MYO18B: variants seen among roughly 807,000 people sequenced by gnomAD.
The protein encoded by MYO18B is unconventional myosin-XVIIIb.
MYO18B carries 204 observed loss-of-function variants against 273.0 expected under a neutral mutation model. The ratio of observed to expected loss-of-function variants is 0.75; its 90% CI spans 0.67 to 0.84. The LOEUF (loss-of-function observed/expected upper bound fraction) is 0.84. MYO18B is among the 40% of genes least tolerant of loss of function. The pLI is 0.00. For synonymous variants in MYO18B, 1,330 were observed against 1,305.7 expected, an observed-to-expected ratio of 1.02 and a Z score of -0.40; for missense variants, 3,212 against 3,287.6, an observed-to-expected ratio of 0.98 and a Z score of 0.56.
In MYO18B at chr22:25,801,318, G is replaced by A. The variant is rs936051229; in HGVS notation, c.2521+3221G>A. Reference sequence around the variant, plus strand: ...AGCAATGACAATCACCACTAATATTGGCCTGGTGTTTGACAGTTTCAAAAG... The same window carrying A: ...AGCAATGACAATCACCACTAATATTAGCCTGGTGTTTGACAGTTTCAAAAG... On this transcript the variant is annotated intron_variant, in intron 12 of 43. Transcript: ENST00000335473. Among the ~76,000 whole-genome samples the A allele has an allele frequency of 7.2e-5, 11 of 152,188 alleles. No individual in the cohort carries two copies. In the East Asian group the frequency reaches 9.7e-4, roughly 13 times the overall value.
chr22:26,039,127 C>A, the MYO18B span, among the ~76,000 whole-genome samples: 1 of 152,132 alleles, frequency 6.6e-6, no homozygotes, highest in African/African-American at 2.4e-5. Flanking sequence ...CTGCTCTGTT[C>A]TTGGTGCTCT....
rs1311555021 is a variant in MYO18B at position 25,742,307 on chromosome 22, G to A, written c.-110+14G>A. 2.0e-5 allele frequency: 3 copies of A among 152,238 alleles called. No homozygotes were observed. Among genetic ancestry groups the A allele is most frequent in the Non-Finnish European group, 4.4e-5 (3 of 68,112 alleles). The allele number at this position is 152,238 out of a possible 1,614,324, so 9.4% of individuals were successfully genotyped here. A position where few individuals can be genotyped will look rare whatever the true frequency, so the allele number is the denominator to read the frequency against. The stretch of plus-strand genomic sequence containing the variant: ...TCTTTGCAGAAGGTACTATTGGGCT[G>A]GGTTTTAGACGGGCACCTTGCGAGC... On this transcript the variant is annotated intron_variant, in intron 1 of 43. Transcript: ENST00000335473.
Position 25,791,415 on chromosome 22 carries a change from C to G in MYO18B, c.2376+5924C>G, listed in dbSNP as rs1384508303. ...CCCAGTGTGGCGCTGGCCGGGTCCT[C>G]AGAGGCTGTGTGTACCCGGTGACTG... On this transcript the variant is annotated intron_variant, in intron 11 of 43. Transcript: ENST00000335473. Among the ~76,000 whole-genome samples the G allele has an allele frequency of 1.3e-5, 2 of 152,132 alleles. 1 individual carries two copies. The highest frequency in any genetic ancestry group is 2.9e-5 in the Non-Finnish European group (2 of 68,026).
At chr22:25,910,863 G>A (rs535288896) in intron 32 of MYO18B, 83 bp from the exon 33 acceptor site, 183 of 1,094,810 alleles carry the variant, frequency 1.7e-4, no homozygotes, top group Non-Finnish European at 2.2e-4. Flanking sequence ...ACATTCCTCC[G>A]CCTTCTGAGG....
chr22:25,934,338 G>A (rs1383137801), intron 34 of MYO18B, among the ~76,000 whole-genome samples: 1 of 152,050 alleles, frequency 6.6e-6, no homozygotes, highest in Non-Finnish European at 1.5e-5. Context: ...AAACATCTTA[G>A]AATCCAAATT....
intron 39 of MYO18B, among the ~76,000 whole-genome samples, chr22:25,981,220 G>A (rs1939602493): frequency 6.6e-6 from 1 of 152,228 alleles, no homozygotes; most frequent in South Asian, 2.1e-4. Context: ...ACTTCAACCT[G>A]TCTTCTCTGG....
At chr22:25,747,782 C>T (rs1169437181) in intron 1 of MYO18B, among the ~76,000 whole-genome samples, 1 of 152,144 alleles carries the variant, frequency 6.6e-6, no homozygotes, top group African/African-American at 2.4e-5. Flanking sequence ...TAGCTGCTGC[C>T]AAGGACATGG....
chr22:25,969,386 C>T lies in MYO18B; in HGVS notation c.6156+14022C>T, dbSNP rs1024207964. Among the ~76,000 whole-genome samples, 5 of 152,350 alleles carry T rather than the reference C, an allele frequency of 3.3e-5. No individual in the cohort carries two copies. The East Asian group carries it at 9.6e-4, about 29-fold the overall frequency. On this transcript the variant is annotated intron_variant, in intron 39 of 43. Transcript: ENST00000335473. ...CCATTAGGGCTCATCTACTTTTCCA[C>T]CCTGGCCCCTGAGGCAGCACCATAA...
intron 1 of MYO18B, chr22:25,756,366 C>G (rs74843753): frequency 1.3e-5 from 2 of 152,204 alleles, no homozygotes; most frequent in Non-Finnish European, 2.9e-5. Flanking sequence ...TCATTAGAGC[C>G]GAAATGCTCC....
At chr22:25,754,593 C>T (rs1216103010) in intron 1 of MYO18B, among the ~76,000 whole-genome samples, 1 of 152,090 alleles carries the variant, frequency 6.6e-6, no homozygotes, top group Admixed American at 6.5e-5. Context: ...GGGAGACTCG[C>T]GATTTTATAC....
chr22:25,955,445 T>C (rs2092839006), intron 39 of MYO18B, 81 bp downstream of exon 39: 9 of 1,434,000 alleles, frequency 6.3e-6, no homozygotes, highest in African/African-American at 1.4e-5. Flanking sequence ...GACTTCTGAA[T>C]GGGAGACTCA....
intron 39 of MYO18B, among the ~76,000 whole-genome samples, chr22:25,971,390 G>A (rs1029387560): frequency 6.6e-6 from 1 of 152,180 alleles, no homozygotes; most frequent in African/African-American, 2.4e-5. Context: ...AGGTAGTTGG[G>A]AGATTAGAAT....
intron 42 of MYO18B, among the ~76,000 whole-genome samples, chr22:26,022,964 A>G (rs1046409297): frequency 5.9e-5 from 9 of 152,158 alleles, no homozygotes; most frequent in African/African-American, 2.2e-4. Flanking sequence ...TGACCTCCAG[A>G]TCCCCATTTC....
chr22:26,060,361 A>G, the MYO18B span, among the ~76,000 whole-genome samples: 2 of 152,236 alleles, frequency 1.3e-5, no homozygotes, highest in Admixed American at 6.5e-5. Flanking sequence ...GATTTAAGGA[A>G]ATATCAGAGA....
intron 39 of MYO18B, among the ~76,000 whole-genome samples, chr22:25,974,038 T>C (rs2093063151): frequency 6.6e-6 from 1 of 152,238 alleles, no homozygotes; most frequent in South Asian, 2.1e-4. Flanking sequence ...CTCACATCTG[T>C]ATTTCATCCA....
chr22:25,875,663 A>G (rs2091172120), intron 23 of MYO18B, among the ~76,000 whole-genome samples: 1 of 152,232 alleles, frequency 6.6e-6, no homozygotes, highest in African/African-American at 2.4e-5. Flanking sequence ...GTGTCTAGCC[A>G]TCTGGGGTTT....
intron 34 of MYO18B, among the ~76,000 whole-genome samples, chr22:25,923,103 A>G (rs1045787088): frequency 6.6e-6 from 1 of 152,174 alleles, no homozygotes; most frequent in Non-Finnish European, 1.5e-5. Context: ...ATCCTATGGC[A>G]TGTCTTCTAA....
intron 12 of MYO18B, among the ~76,000 whole-genome samples, chr22:25,816,276 C>CATAATAGAG (rs1456204864): frequency 5.9e-5 from 9 of 152,174 alleles, no homozygotes; most frequent in African/African-American, 2.2e-4. Flanking sequence ...TGAGTGGGAT[C>CATAATAGAG]ATAATAGAGT....
chr22:25,779,916 C>T (rs2087063099), intron 8 of MYO18B, 140 bp from the exon 9 acceptor site: 2 of 1,065,872 alleles, frequency 1.9e-6, no homozygotes, highest in East Asian at 2.6e-5. Flanking sequence ...TGGCAGGAAG[C>T]TCACAGGAAG....
Sources: allele counts gnomAD v4.1 joint callset (sites outside exome capture counted in the v4.1 genomes callset), GRCh38; gene constraint gnomAD v4.1.1; transcripts MANE v1.5; gene names NCBI Gene and HGNC (gene_info 2026-07-23, HGNC 2026-07-21).